ROR1: variants seen among roughly 807,000 people sequenced by gnomAD.
ROR1 encodes inactive tyrosine-protein kinase transmembrane receptor ROR1.
ROR1 carries 19 observed loss-of-function variants against 78.8 expected under a neutral mutation model. That is an observed-to-expected ratio of 0.24 (90% CI 0.17 to 0.35). ROR1 has a LOEUF of 0.35. ROR1 is among the 10% of genes least tolerant of loss of function. ROR1 has a pLI of 1.00. For synonymous variants in ROR1, 386 were observed against 433.6 expected (o/e 0.89, Z 1.36); for missense variants, 917 against 1,177.8 (o/e 0.78, Z 3.24).
chr1:63,904,800 G>A (rs1645515989), intron 1 of ROR1, among the ~76,000 whole-genome samples: 1 of 152,158 alleles, frequency 6.6e-6, no homozygotes, highest in African/African-American at 2.4e-5. Flanking sequence ...TGTAAGCCAA[G>A]GAGGGAAGCT....
chr1:64,030,807 T>A lies in ROR1; in HGVS notation c.164-18884T>A, dbSNP rs376782337. Among the ~76,000 whole-genome samples, 24 of 152,348 alleles carry A rather than the reference T, an allele frequency of 1.6e-4. 1 individual carries two copies. The highest frequency in any genetic ancestry group is 4.6e-4 in the African/African-American group (19 of 41,586). On this transcript the variant is annotated intron_variant, in intron 2 of 8. Transcript: ENST00000371079. ...TAATATATATTAGAAAACTTATATT[T>A]AGATTATTACAAATTATCTTTACAT...
intron 1 of ROR1, among the ~76,000 whole-genome samples, chr1:64,008,209 C>G (rs1402773707): frequency 1.3e-5 from 2 of 152,150 alleles, no homozygotes; most frequent in African/African-American, 4.8e-5. Context: ...AGTGAGAACA[C>G]ATGATATTTG....
At chr1:64,014,738 C>CTATATATATATATAT (rs1456430703) in intron 2 of ROR1, among the ~76,000 whole-genome samples, 1 of 9,076 alleles carries the variant, frequency 1.1e-4, no homozygotes, top group African/African-American at 2.6e-4. Context: ...CACATACGCA[C>CTATATATATATATAT]ACTATATATA....
At chr1:64,077,362 A>G (rs556063998) in intron 4 of ROR1, among the ~76,000 whole-genome samples, 11 of 152,230 alleles carry the variant, frequency 7.2e-5, no homozygotes, top group Non-Finnish European at 1.5e-4. Flanking sequence ...TTAACTACCA[A>G]GCAACGTTCT....
At chr1:63,917,878 T>A (rs1645621176) in intron 1 of ROR1, among the ~76,000 whole-genome samples, 2 of 152,104 alleles carry the variant, frequency 1.3e-5, no homozygotes, top group Non-Finnish European at 2.9e-5. Context: ...GTGATGTGGG[T>A]GAGCAAAATG....
intron 4 of ROR1, among the ~76,000 whole-genome samples, chr1:64,099,249 G>T (rs1275516555): frequency 6.6e-6 from 1 of 152,164 alleles, no homozygotes; most frequent in Non-Finnish European, 1.5e-5. Context: ...AGGCAATTGA[G>T]CCTCAGAGTG....
intron 8 of ROR1, among the ~76,000 whole-genome samples, chr1:64,165,592 CT>C (rs1414905792): frequency 6.6e-6 from 1 of 151,530 alleles, no homozygotes; most frequent in African/African-American, 2.4e-5. Flanking sequence ...AATTTTTGCT[CT>C]GGTTTTGATT....
chr1:64,140,247 A>T lies in ROR1; in HGVS notation c.749A>T (p.Asp250Val). The T allele has an allele frequency of 6.2e-7, 1 of 1,614,170 alleles. No individual in the cohort carries two copies. The highest frequency in any genetic ancestry group is 8.5e-7 in the Non-Finnish European group (1 of 1,180,026). ...CCAAAGCCCCGTGACTTGTGTCGCGATGAATGTGAAATCCTGGAGAATGTC... is the reference window on the plus strand; with the variant it reads ...CCAAAGCCCCGTGACTTGTGTCGCGTTGAATGTGAAATCCTGGAGAATGTC... Reference protein sequence around the residue: ...SVPKPRDLCRDECEILENVLC... With the variant: ...SVPKPRDLCRVECEILENVLC... Residue 250 changes from aspartate to valine, a missense_variant, in exon 6 of 9, where the codon GAT (aspartate) becomes GTT (valine). Transcript: ENST00000371079.
At chr1:63,788,968 T>G (rs1644708475) in intron 1 of ROR1, 1 of 674,996 alleles carries the variant, frequency 1.5e-6, no homozygotes. Context: ...TCAATCTTCT[T>G]AGATATGCGG....
intron 1 of ROR1, among the ~76,000 whole-genome samples, chr1:63,781,662 T>C (rs1644652156): frequency 6.6e-6 from 1 of 152,178 alleles, no homozygotes; most frequent in Non-Finnish European, 1.5e-5. Flanking sequence ...TTCATAGGCT[T>C]ATTGTGAAGA....
At chr1:64,082,627 C>T (rs1647113169) in intron 4 of ROR1, among the ~76,000 whole-genome samples, 1 of 152,230 alleles carries the variant, frequency 6.6e-6, no homozygotes. Flanking sequence ...TCTGCCCAGG[C>T]AGCTCTCAGC....
chr1:64,164,393 T>A (rs931741161), intron 8 of ROR1, among the ~76,000 whole-genome samples: 2 of 152,138 alleles, frequency 1.3e-5, no homozygotes, highest in Non-Finnish European at 2.9e-5. Flanking sequence ...TGATTACAAA[T>A]CTTGGCTCTG....
At position 64,123,745 on chromosome 1, in the gene ROR1, A is replaced by G. The variant is rs376671426; in HGVS notation, c.483-13624A>G. 1.5e-3 allele frequency among the ~76,000 whole-genome samples: 230 copies of G among 152,330 alleles called. 5 individuals carry two copies. The South Asian group carries it at 0.032, about 21-fold the overall frequency. ...ACAGGCACTTGTAGGCATTGAGTGC[A>G]GAAAAATAGATACTCTTCCCCATTG... On this transcript the variant is annotated intron_variant, in intron 4 of 8. Transcript: ENST00000371079.
chr1:63,995,233 T>C (rs577024470), intron 1 of ROR1, among the ~76,000 whole-genome samples: 1 of 152,274 alleles, frequency 6.6e-6, no homozygotes, highest in South Asian at 2.1e-4. Context: ...TTTTTTCTAA[T>C]AAGATAATGA....
chr1:64,150,473 C>T (rs746216828), intron 7 of ROR1, among the ~76,000 whole-genome samples: 89 of 152,304 alleles, frequency 5.8e-4, no homozygotes, highest in Middle Eastern at 3.4e-3. Context: ...GTTTACAGTT[C>T]GGGGCAAGGC....
intron 8 of ROR1, among the ~76,000 whole-genome samples, chr1:64,172,374 T>A (rs577814849): frequency 7.5e-4 from 114 of 152,350 alleles, no homozygotes; most frequent in Non-Finnish European, 1.4e-3. Flanking sequence ...TGGAACAATG[T>A]ATTAACTTCT....
chr1:64,101,750 A>G (rs1293603556), intron 4 of ROR1, among the ~76,000 whole-genome samples: 2 of 152,180 alleles, frequency 1.3e-5, no homozygotes, highest in Admixed American at 6.5e-5. Context: ...CCTCTCCGAT[A>G]AGGTGGCATT....
At chr1:64,079,404 G>T (rs1369707624) in intron 4 of ROR1, among the ~76,000 whole-genome samples, 2 of 151,944 alleles carry the variant, frequency 1.3e-5, no homozygotes, top group African/African-American at 4.8e-5. Flanking sequence ...CATTGAAATA[G>T]ATAGCAGCCA....
At chr1:64,102,284 G>A (rs1361928653) in intron 4 of ROR1, among the ~76,000 whole-genome samples, 1 of 152,174 alleles carries the variant, frequency 6.6e-6, no homozygotes. Flanking sequence ...CATTTCAGGC[G>A]ATTAAGTGAA....
Sources: allele counts gnomAD v4.1 joint callset (sites outside exome capture counted in the v4.1 genomes callset), GRCh38; gene constraint gnomAD v4.1.1; transcripts MANE v1.5; gene names NCBI Gene and HGNC (gene_info 2026-07-23, HGNC 2026-07-21).